VPS13B: variants seen among roughly 807,000 people sequenced by gnomAD.
The protein encoded by VPS13B is vacuolar protein sorting 13 homolog B, also known as intermembrane lipid transfer protein VPS13B.
VPS13B carries 285 observed loss-of-function variants against 426.4 expected under a neutral mutation model. The ratio of observed to expected loss-of-function variants is 0.67; its 90% CI spans 0.61 to 0.74. The LOEUF (loss-of-function observed/expected upper bound fraction) is 0.74, where lower values mean the gene tolerates loss of function less well. Among genes scored for constraint, VPS13B ranks in the 30% least tolerant of loss-of-function variants. VPS13B has a pLI of 0.00. For synonymous variants in VPS13B, 1,676 were observed against 1,676.4 expected, an observed-to-expected ratio of 1.00 and a Z score of 0.01; for missense variants, 4,537 against 4,782.6, an observed-to-expected ratio of 0.95 and a Z score of 1.51.
chr8:99,540,436 A>T (rs1425326534), intron 30 of VPS13B, among the ~76,000 whole-genome samples: 1 of 152,034 alleles, frequency 6.6e-6, no homozygotes, highest in Admixed American at 6.6e-5. Context: ...AGAGATCTAA[A>T]ATTCATCACC....
chr8:99,219,587 C>G (rs1011021297), intron 17 of VPS13B, among the ~76,000 whole-genome samples: 9 of 152,296 alleles, frequency 5.9e-5, no homozygotes, highest in Non-Finnish European at 1.2e-4. Context: ...TGGCAAGAGC[C>G]TTCTTGCAGC....
At chr8:99,247,770 A>G (rs1340867652) in intron 17 of VPS13B, among the ~76,000 whole-genome samples, 1 of 152,236 alleles carries the variant, frequency 6.6e-6, no homozygotes, top group African/African-American at 2.4e-5. Context: ...TAGAAAGATC[A>G]CTATCTTAAA....
chr8:99,352,831 A>AAAAC (rs538732625), intron 19 of VPS13B, among the ~76,000 whole-genome samples: 2 of 152,140 alleles, frequency 1.3e-5, no homozygotes, highest in South Asian at 2.1e-4. Flanking sequence ...TCTCAAAAAA[A>AAAAC]AAACAAACAA....
At position 99,673,566 on chromosome 8, in the gene VPS13B, TC is replaced by T. The variant is rs958404877; in HGVS notation, c.6046+12076del. Among the ~76,000 whole-genome samples the T allele has an allele frequency of 9.1e-4, 139 of 152,112 alleles. 1 individual carries two copies. Among genetic ancestry groups the T allele is most frequent in the African/African-American group, 2.8e-3 (117 of 41,558 alleles). ...AAAGACTGGTTCTTTGTTTCTCTGATCTTTTCTATTATTTTTGTAGTCTCTA... is the reference window on the plus strand; with the variant it reads ...AAAGACTGGTTCTTTGTTTCTCTGATTTTTCTATTATTTTTGTAGTCTCTA... On this transcript the variant is annotated intron_variant, in intron 35 of 61. Coordinates refer to ENST00000357162, the MANE Select transcript of VPS13B (RefSeq NM_152564.5).
chr8:99,048,526 A>C (rs1843348537), intron 3 of VPS13B, among the ~76,000 whole-genome samples: 1 of 151,936 alleles, frequency 6.6e-6, no homozygotes, highest in Non-Finnish European at 1.5e-5. Context: ...TAAATTTGGG[A>C]GCTCTAGGCT....
rs1833085593 is a variant in VPS13B at position 99,720,331 on chromosome 8, T to C, written c.6658-14T>C. ...GTATTTAAAAGCTACTAGAATTTTT[T>C]TATGATTTTAAAGGTCTTCTGGGGT... is the stretch of plus-strand genomic sequence containing the variant. On this transcript the variant is annotated splice_polypyrimidine_tract_variant and intron_variant, in intron 37 of 61. Coordinates refer to ENST00000357162, the MANE Select transcript of VPS13B (RefSeq NM_152564.5). The C allele has an allele frequency of 6.2e-7, 1 of 1,608,234 alleles. No homozygotes were observed. The highest frequency in any genetic ancestry group is 1.1e-5 in the South Asian group (1 of 90,580).
chr8:99,229,107 G>A (rs1016965912), intron 17 of VPS13B, among the ~76,000 whole-genome samples: 1 of 152,150 alleles, frequency 6.6e-6, no homozygotes, highest in African/African-American at 2.4e-5. Flanking sequence ...ATGGAATTAG[G>A]ACTGCAAACT....
chr8:99,393,621 T>C (rs938805175), intron 21 of VPS13B, among the ~76,000 whole-genome samples: 1 of 152,128 alleles, frequency 6.6e-6, no homozygotes, highest in Non-Finnish European at 1.5e-5. Flanking sequence ...TACTCAAGCT[T>C]GCATAAAAAT....
At chr8:99,271,206 CT>C (rs1818578045) in intron 17 of VPS13B, among the ~76,000 whole-genome samples, 1 of 112,358 alleles carries the variant, frequency 8.9e-6, no homozygotes, top group African/African-American at 2.9e-5. Context: ...ACTACTACTA[CT>C]ACTACTACTA....
intron 17 of VPS13B, among the ~76,000 whole-genome samples, chr8:99,257,428 G>A (rs1817803964): frequency 2.0e-5 from 3 of 152,152 alleles, no homozygotes; most frequent in Non-Finnish European, 2.9e-5. Flanking sequence ...TAGTGAGAGT[G>A]CCTTGTGGCA....
rs140709787 is a variant in VPS13B at position 99,115,858 on chromosome 8, G to A, written c.921G>A (p.Met307Ile). 6.0e-5 allele frequency: 96 copies of A among 1,613,002 alleles called. No homozygotes were observed. In the African/African-American group the frequency reaches 1.2e-3, roughly 20 times the overall value. The stretch of plus-strand genomic sequence containing the variant: ...ACCTTACTTGTCATAATAAAGATAT[G>A]CTAGGAAACATTACAGGTAATGTAA... Reference protein sequence around the residue: ...IEDLTCHNKDMLGNITGSEDE... With the variant: ...IEDLTCHNKDILGNITGSEDE... The change falls in exon 7 of 62, where the codon ATG (methionine) becomes ATA (isoleucine). Residue 307 changes from methionine (M) to isoleucine (I), a missense_variant. This residue lies in a region of VPS13B where 4,311 missense variants were observed against 4,474.3 expected (regional missense o/e 0.96). Coordinates refer to ENST00000357162, the MANE Select transcript of VPS13B (RefSeq NM_152564.5).
At chr8:99,425,809 T>C (rs1276822529) in intron 21 of VPS13B, among the ~76,000 whole-genome samples, 1 of 152,182 alleles carries the variant, frequency 6.6e-6, no homozygotes, top group East Asian at 1.9e-4. Context: ...AACCCCATCA[T>C]CTCAGCCCAA....
intron 17 of VPS13B, among the ~76,000 whole-genome samples, chr8:99,245,321 G>A (rs746501217): frequency 1.3e-5 from 2 of 152,138 alleles, no homozygotes; most frequent in Admixed American, 6.5e-5. Flanking sequence ...CTTATTTAAA[G>A]CTTCAATAAA....
intron 2 of VPS13B, among the ~76,000 whole-genome samples, chr8:99,036,165 ATTTTTGC>A (rs1160546075): frequency 6.6e-6 from 1 of 151,368 alleles, no homozygotes; most frequent in African/African-American, 2.4e-5. Context: ...TCATTTTTCT[ATTTTTGC>A]TTTTGTTGCC....
chr8:99,633,882 C>T (rs940509625), intron 33 of VPS13B, among the ~76,000 whole-genome samples: 2 of 149,564 alleles, frequency 1.3e-5, no homozygotes, highest in Non-Finnish European at 3.0e-5. Context: ...ACAAGTCAAA[C>T]TTAAACTCAG....
At chr8:99,860,166 T>A (rs1283801596) in intron 57 of VPS13B, among the ~76,000 whole-genome samples, 1 of 152,196 alleles carries the variant, frequency 6.6e-6, no homozygotes, top group Non-Finnish European at 1.5e-5. Context: ...GTAAAAGGCA[T>A]CTGACTATAG....
At chr8:99,365,541 G>T (rs1812826845) in intron 19 of VPS13B, among the ~76,000 whole-genome samples, 1 of 90,570 alleles carries the variant, frequency 1.1e-5, no homozygotes, top group African/African-American at 4.2e-5. Context: ...TTTTGAGGCG[G>T]AGTCTCGCTC....
chr8:99,324,961 TA>T (rs1810164877), intron 19 of VPS13B, among the ~76,000 whole-genome samples: 1 of 152,184 alleles, frequency 6.6e-6, no homozygotes, highest in South Asian at 2.1e-4. Context: ...ATCTTTTAGA[TA>T]AAATCTGAAA....
intron 17 of VPS13B, among the ~76,000 whole-genome samples, chr8:99,262,419 C>G (rs997021048): frequency 1.3e-5 from 2 of 152,120 alleles, no homozygotes; most frequent in African/African-American, 4.8e-5. Flanking sequence ...GAGATTTTTA[C>G]AGTCTTTGTC....
Sources: gnomAD v4.1 joint callset for allele counts (sites outside exome capture counted in the v4.1 genomes callset) on GRCh38, gnomAD v4.1.1 for gene constraint, gnomAD v4.1.1 regional missense constraint, MANE v1.5 for transcripts, NCBI Gene and HGNC (gene_info 2026-07-23, HGNC 2026-07-21) for gene names.